TRIM34: variants seen among roughly 807,000 people sequenced by gnomAD.
TRIM34 encodes the protein E3 ubiquitin-protein ligase TRIM34.
Under a neutral mutation model 38.1 loss-of-function variants are expected in TRIM34, and 41 were observed. The observed-to-expected ratio is 1.08, with a 90% CI of 0.84 to 1.40. TRIM34 has a LOEUF of 1.40. Ranked by LOEUF, TRIM34 falls within the 40% of genes most tolerant of loss-of-function variation. The probability of loss-of-function intolerance (pLI) is 0.00; values close to 1 mark genes in which losing one functional copy is unlikely to be tolerated. For synonymous variants in TRIM34, 200 were observed against 202.5 expected (o/e 0.99, Z 0.10); for missense variants, 556 against 571.4 (o/e 0.97, Z 0.27).
At chr11:5,635,886 C>A (rs1849714751) in intron 4 of TRIM34, among the ~76,000 whole-genome samples, 1 of 151,966 alleles carries the variant, frequency 6.6e-6, no homozygotes, top group African/African-American at 2.4e-5. Context: ...TGGACAATAC[C>A]AAGTGTTTGG....
chr11:5,633,767 C>T, intron 2 of TRIM34, 37 bp from the exon 3 acceptor site: 1 of 1,593,766 alleles, frequency 6.3e-7, no homozygotes, highest in Non-Finnish European at 8.5e-7. Context: ...ACTAAGAAAG[C>T]TTATAGCTTG....
chr11:5,639,525 T>A (rs2342378), intron 4 of TRIM34, among the ~76,000 whole-genome samples: 49,055 of 150,820 alleles, frequency 0.33, 8,922 homozygotes, highest in East Asian at 0.62. Context: ...CTAAAAATAT[T>A]AAAAATTAGC....
Sources: gnomAD v4.1 joint callset for allele counts (sites outside exome capture counted in the v4.1 genomes callset) on GRCh38, gnomAD v4.1.1 for gene constraint, MANE v1.5 for transcripts, NCBI Gene and HGNC (gene_info 2026-07-23, HGNC 2026-07-21) for gene names.